The following FLT1 variants were observed in gnomAD, a reference collection of about 807,000 sequenced individuals.
The protein encoded by FLT1 is vascular endothelial growth factor receptor 1.
A neutral mutation model predicts 156.3 loss-of-function variants in FLT1; 49 were observed. The ratio of observed to expected loss-of-function variants is 0.31; its 90% CI spans 0.25 to 0.40. FLT1 has a LOEUF of 0.40. FLT1 is among the 10% of genes least tolerant of loss of function. The pLI is 1.00. For synonymous variants in FLT1, 594 were observed against 583.8 expected, an observed-to-expected ratio of 1.02 and a Z score of -0.25; for missense variants, 1,322 against 1,637.2, an observed-to-expected ratio of 0.81 and a Z score of 3.32.
At chr13:28,470,545 C>T (rs1312996847) in intron 1 of FLT1, among the ~76,000 whole-genome samples, 5 of 152,172 alleles carry the variant, frequency 3.3e-5, no homozygotes, top group Non-Finnish European at 5.9e-5. Context: ...TTTGTGACAT[C>T]CCACTGCCTA....
intron 14 of FLT1, among the ~76,000 whole-genome samples, chr13:28,372,847 A>G (rs954162315): frequency 9.2e-5 from 14 of 151,630 alleles, no homozygotes; most frequent in African/African-American, 3.4e-4. Flanking sequence ...ATGCCACTGC[A>G]CTCCAGCTTG....
Position 28,457,933 on chromosome 13 carries a change from C to CTTTTTTT in FLT1, c.388+8963_388+8969dup, listed in dbSNP as rs894090277. 6.0e-3 allele frequency among the ~76,000 whole-genome samples: 684 copies of CTTTTTTT among 114,176 alleles called. 8 individuals are homozygous for CTTTTTTT. Among genetic ancestry groups the CTTTTTTT allele is most frequent in the African/African-American group, 0.011 (287 of 26,724 alleles). The allele number at this position is 114,176 out of a possible 152,430, so 74.9% of individuals were successfully genotyped here. A position where few individuals can be genotyped will look rare whatever the true frequency, so the allele number is the denominator to read the frequency against. ...TTCTTTTCCTTTTTTCTTTCCTTTT[C>CTTTTTTT]TTTTTTTTTTTTTTTTTTTGTGATG... On this transcript the variant is annotated intron_variant, in intron 3 of 29. Coordinates refer to ENST00000282397, the MANE Select transcript of FLT1 (RefSeq NM_002019.4).
chr13:28,489,438 A>G (rs1881354006), intron 1 of FLT1, among the ~76,000 whole-genome samples: 1 of 152,194 alleles, frequency 6.6e-6, no homozygotes, highest in South Asian at 2.1e-4. Context: ...AAGAGAAAGG[A>G]CACAGACACA....
chr13:28,386,855 C>A, intron 13 of FLT1: 1 of 1,049,552 alleles, frequency 9.5e-7, no homozygotes, highest in Non-Finnish European at 1.2e-6. Flanking sequence ...AAAACTCAGA[C>A]CCAATTCACT....
At position 28,357,868 on chromosome 13, in the gene FLT1, C is replaced by CTTTTTTTTTTTTTTTTTTTTTTTTTT. The variant is rs57304530; in HGVS notation, c.2117-184_2117-183insAAAAAAAAAAAAAAAAAAAAAAAAAA. Among the ~76,000 whole-genome samples the CTTTTTTTTTTTTTTTTTTTTTTTTTT allele has an allele frequency of 9.5e-5, 10 of 104,724 alleles. 1 individual carries two copies. Among genetic ancestry groups the CTTTTTTTTTTTTTTTTTTTTTTTTTT allele is most frequent in the African/African-American group, 3.7e-4 (10 of 26,970 alleles). The allele number at this position is 104,724 out of a possible 152,430, so 68.7% of individuals were successfully genotyped here. A position where few individuals can be genotyped will look rare whatever the true frequency, so the allele number is the denominator to read the frequency against. On this transcript the variant is annotated intron_variant, in intron 14 of 29. Coordinates refer to ENST00000282397, the MANE Select transcript of FLT1 (RefSeq NM_002019.4). Reference sequence around the variant, plus strand: ...CCAGGCTTTCTTTTTCTTTTCTTTCCTTTTTTTTTTTTTTTTTTTTTCTGC... The same window carrying CTTTTTTTTTTTTTTTTTTTTTTTTTT: ...CCAGGCTTTCTTTTTCTTTTCTTTCCTTTTTTTTTTTTTTTTTTTTTTTTTTTTTTTTTTTTTTTTTTTTTTTCTGC...
intron 14 of FLT1, among the ~76,000 whole-genome samples, chr13:28,382,821 T>C (rs1295892160): frequency 3.9e-5 from 6 of 152,184 alleles, no homozygotes; most frequent in Admixed American, 1.3e-4. Flanking sequence ...TGCTACTTTA[T>C]GGAGAAAAAT....
intron 16 of FLT1, among the ~76,000 whole-genome samples, chr13:28,339,534 T>C (rs2138852187): frequency 6.6e-6 from 1 of 152,340 alleles, no homozygotes; most frequent in East Asian, 1.9e-4. Context: ...TCTACCATCC[T>C]ATCTTGGATA....
At chr13:28,345,163 C>T (rs969702057) in intron 16 of FLT1, among the ~76,000 whole-genome samples, 2 of 152,144 alleles carry the variant, frequency 1.3e-5, no homozygotes, top group African/African-American at 4.8e-5. Context: ...AGGTCCCACA[C>T]TGACTTTAAA....
At chr13:28,304,279 C>A (rs557114337) in intron 29 of FLT1, among the ~76,000 whole-genome samples, 1 of 152,260 alleles carries the variant, frequency 6.6e-6, no homozygotes, top group Non-Finnish European at 1.5e-5. Context: ...CCCTTTGATC[C>A]ATTCATTCCT....
intron 1 of FLT1, among the ~76,000 whole-genome samples, chr13:28,472,770 C>G (rs1238521745): frequency 6.6e-6 from 1 of 152,234 alleles, no homozygotes; most frequent in Non-Finnish European, 1.5e-5. Flanking sequence ...GCCTCCGATT[C>G]TTCATCTGTC....
intron 10 of FLT1, among the ~76,000 whole-genome samples, chr13:28,418,657 G>A (rs77950438): frequency 0.011 from 1,633 of 152,116 alleles, 28 homozygotes; most frequent in African/African-American, 0.037. Flanking sequence ...TCAACCTCCC[G>A]GGCTCAAGCC....
intron 14 of FLT1, among the ~76,000 whole-genome samples, chr13:28,372,067 TATATATA>T (rs1873612872): frequency 3.7e-5 from 1 of 27,352 alleles, no homozygotes; most frequent in Admixed American, 4.1e-4. Flanking sequence ...TATATATATA[TATATATA>T]TATTTTTTTT....
intron 1 of FLT1, among the ~76,000 whole-genome samples, chr13:28,493,135 G>A (rs1881559663): frequency 6.6e-6 from 1 of 152,136 alleles, no homozygotes; most frequent in South Asian, 2.1e-4. Flanking sequence ...ATATAATTAT[G>A]TGAAGCAGAA....
At chr13:28,454,719 C>T (rs1879166011) in intron 3 of FLT1, among the ~76,000 whole-genome samples, 1 of 152,082 alleles carries the variant, frequency 6.6e-6, no homozygotes, top group South Asian at 2.1e-4. Flanking sequence ...TGCCTTTGTT[C>T]ACAGATGATG....
At chr13:28,473,370 C>A (rs548388519) in intron 1 of FLT1, among the ~76,000 whole-genome samples, 28 of 151,800 alleles carry the variant, frequency 1.8e-4, no homozygotes, top group Non-Finnish European at 3.7e-4. Flanking sequence ...CCAGGCCCAG[C>A]GCAGTGGCTC....
At chr13:28,340,009 G>A (rs145793546) in intron 16 of FLT1, among the ~76,000 whole-genome samples, 1,798 of 152,230 alleles carry the variant, frequency 0.012, 41 homozygotes, top group African/African-American at 0.041. Context: ...GAGGTTAGGA[G>A]TTCAAGACCA....
At chr13:28,400,024 G>C (rs1484463860) in intron 11 of FLT1, among the ~76,000 whole-genome samples, 1 of 152,138 alleles carries the variant, frequency 6.6e-6, no homozygotes, top group African/African-American at 2.4e-5. Context: ...AGATGCAAAG[G>C]ACCACAGACA....
chr13:28,466,910 A>T lies in FLT1; in HGVS notation c.381T>A (p.Phe127Leu). Residue 127 changes from phenylalanine to leucine, a missense_variant, in exon 3 of 30, where the codon TTT (phenylalanine) becomes TTA (leucine). Physicochemically the swap from Phe to Leu is conservative, Grantham distance 22 (BLOSUM62 0). Transcript: ENST00000282397. ...KKETESAIYIFISDTGRPFVE... is the reference protein window; with the variant it reads ...KKETESAIYILISDTGRPFVE... ...AGAAAATGGAAGTCTTACCACTAAT[A>T]AATATATAGATTGCAGATTCTGTTT... The T allele has an allele frequency of 6.2e-7, 1 of 1,601,194 alleles. No individual in the cohort carries two copies. The highest frequency in any genetic ancestry group is 8.6e-7 in the Non-Finnish European group (1 of 1,168,180).
At chr13:28,455,998 G>C (rs1248403372) in intron 3 of FLT1, among the ~76,000 whole-genome samples, 1 of 152,220 alleles carries the variant, frequency 6.6e-6, no homozygotes, top group Non-Finnish European at 1.5e-5. Context: ...CAGAGTGATA[G>C]GAATTGTCAT....
Sources: gnomAD v4.1 joint callset for allele counts (sites outside exome capture counted in the v4.1 genomes callset) on GRCh38, gnomAD v4.1.1 for gene constraint, MANE v1.5 for transcripts, NCBI Gene and HGNC (gene_info 2026-07-23, HGNC 2026-07-21) for gene names.